Variants in CCDC3 observed in about 807,000 individuals in gnomAD.
The protein encoded by CCDC3 is coiled-coil domain-containing protein 3.
In CCDC3, 24 loss-of-function variants were observed where a neutral mutation model predicts 21.4. That is an observed-to-expected ratio of 1.12 (90% CI 0.81 to 1.58). CCDC3 has a LOEUF of 1.58. Ranked by LOEUF, CCDC3 falls within the 40% of genes most tolerant of loss-of-function variation. CCDC3 has a pLI of 0.00. For missense variants in CCDC3, 425 were observed against 360.9 expected (o/e 1.18, Z -1.44); for synonymous variants, 186 against 166.0 (o/e 1.12, Z -0.93).
At chr10:12,923,556 T>C (rs993169118) in intron 2 of CCDC3, among the ~76,000 whole-genome samples, 1 of 152,134 alleles carries the variant, frequency 6.6e-6, no homozygotes, top group African/African-American at 2.4e-5. Flanking sequence ...TCTTGGAACC[T>C]CCCTTTTTGC....
At chr10:12,926,206 C>A (rs2131221955) in intron 2 of CCDC3, among the ~76,000 whole-genome samples, 1 of 152,294 alleles carries the variant, frequency 6.6e-6, no homozygotes, top group Non-Finnish European at 1.5e-5. Context: ...GTGAAGACAG[C>A]TGGGATTTAG....
intron 5 of CCDC3, among the ~76,000 whole-genome samples, chr10:13,033,907 G>C (rs949796951): frequency 5.3e-5 from 8 of 152,200 alleles, no homozygotes; most frequent in African/African-American, 1.9e-4. Context: ...CTGTAAACTA[G>C]TTCAACCACT....
At chr10:13,021,572 A>G (rs918929369) in intron 5 of CCDC3, among the ~76,000 whole-genome samples, 2 of 152,196 alleles carry the variant, frequency 1.3e-5, no homozygotes, top group African/African-American at 2.4e-5. Flanking sequence ...TCCTTTCCAC[A>G]GGACAAAACG....
intron 5 of CCDC3, among the ~76,000 whole-genome samples, chr10:13,039,268 C>CA (rs1262490582): frequency 6.6e-6 from 1 of 151,964 alleles, no homozygotes; most frequent in South Asian, 2.1e-4. Context: ...CCGCATATCT[C>CA]AAAAAATAGC....
At chr10:13,004,246 A>T (rs1428601174), upstream of CCDC3, among the ~76,000 whole-genome samples, 2 of 149,144 alleles carry the variant, frequency 1.3e-5, no homozygotes, top group Admixed American at 1.3e-4. Context: ...CAGTGTGGTG[A>T]CTCCCAACTG....
chr10:13,076,341 G>A lies in CCDC3; in HGVS notation c.-502-2241C>T, dbSNP rs183739878. 3.1e-3 allele frequency among the ~76,000 whole-genome samples: 467 copies of A among 152,328 alleles called. 1 individual carries two copies. The highest frequency in any genetic ancestry group is 9.3e-3 in the African/African-American group (388 of 41,566). Reference sequence around the variant, plus strand: ...CTTGGGTGAGGACTAGGAAAAATGAGGCTGGGACTTGCTGGGCTGCCCTCC... The same window carrying A: ...CTTGGGTGAGGACTAGGAAAAATGAAGCTGGGACTTGCTGGGCTGCCCTCC... On this transcript the variant is annotated intron_variant, in intron 3 of 6. Coordinates refer to the CCDC3 transcript ENST00000378839.
At chr10:12,950,949 T>C (rs1834998002) in intron 2 of CCDC3, among the ~76,000 whole-genome samples, 2 of 152,106 alleles carry the variant, frequency 1.3e-5, no homozygotes, top group Non-Finnish European at 2.9e-5. Flanking sequence ...GAGTCTGCAG[T>C]AGGGTGCGTC....
At chr10:12,904,012 G>A (rs1294731865) in intron 2 of CCDC3, among the ~76,000 whole-genome samples, 3 of 152,140 alleles carry the variant, frequency 2.0e-5, no homozygotes, top group Non-Finnish European at 4.4e-5. Context: ...CTGGAGTCCT[G>A]CTGTTACTCA....
At chr10:13,031,201 C>T (rs1210778170) in intron 5 of CCDC3, among the ~76,000 whole-genome samples, 2 of 152,192 alleles carry the variant, frequency 1.3e-5, no homozygotes, top group Non-Finnish European at 2.9e-5. Context: ...TCACTCAAAA[C>T]CACTCAACTA....
chr10:12,900,975 C>T (rs992855710), intron 2 of CCDC3, among the ~76,000 whole-genome samples: 9 of 152,156 alleles, frequency 5.9e-5, no homozygotes, highest in Non-Finnish European at 1.0e-4. Context: ...AGTCTCTCTC[C>T]GGAAACTGAC....
At chr10:12,994,966 A>G (rs1374154532) in intron 2 of CCDC3, among the ~76,000 whole-genome samples, 1 of 151,970 alleles carries the variant, frequency 6.6e-6, no homozygotes, top group Non-Finnish European at 1.5e-5. Context: ...CTGTAATCCC[A>G]ACTACTTGGG....
chr10:13,020,994 A>G (rs1589042379), intron 5 of CCDC3, among the ~76,000 whole-genome samples: 1 of 152,382 alleles, frequency 6.6e-6, no homozygotes, highest in South Asian at 2.1e-4. Flanking sequence ...GAATGAATCA[A>G]TATGTCCTGT....
intron 5 of CCDC3, among the ~76,000 whole-genome samples, chr10:13,039,268 CAA>C (rs1262490582): frequency 6.6e-6 from 1 of 151,964 alleles, no homozygotes; most frequent in Non-Finnish European, 1.5e-5. Context: ...CCGCATATCT[CAA>C]AAAATAGCTG....
At chr10:13,083,184 G>A (rs1837063428) in intron 3 of CCDC3, among the ~76,000 whole-genome samples, 1 of 152,196 alleles carries the variant, frequency 6.6e-6, no homozygotes, top group South Asian at 2.1e-4. Context: ...TGGTAGTATT[G>A]TAGAGGACCT....
At chr10:12,951,751 G>A (rs1052685501) in intron 2 of CCDC3, among the ~76,000 whole-genome samples, 9 of 124,032 alleles carry the variant, frequency 7.3e-5, no homozygotes, top group Non-Finnish European at 1.4e-4. Context: ...GTTGCAGTAA[G>A]CTGAGACTGA....
At chr10:12,998,827 T>TG (rs1248551050) in intron 1 of CCDC3, among the ~76,000 whole-genome samples, 2 of 152,186 alleles carry the variant, frequency 1.3e-5, no homozygotes, top group Non-Finnish European at 2.9e-5. Context: ...TATTTCCTGG[T>TG]GAAAAAAAGG....
At chr10:12,987,404 G>A (rs1007045577) in intron 2 of CCDC3, among the ~76,000 whole-genome samples, 13 of 152,242 alleles carry the variant, frequency 8.5e-5, no homozygotes, top group South Asian at 2.1e-4. Flanking sequence ...GTAACATAAC[G>A]CCTCACACAT....
intron 2 of CCDC3, among the ~76,000 whole-genome samples, chr10:12,986,528 A>G (rs763575376): frequency 2.2e-4 from 33 of 152,196 alleles, no homozygotes; most frequent in Non-Finnish European, 4.0e-4. Context: ...TAATCCCAGC[A>G]CTTTGGGAGG....
chr10:13,042,878 C>T (rs1836478499), intron 5 of CCDC3, among the ~76,000 whole-genome samples: 1 of 135,540 alleles, frequency 7.4e-6, no homozygotes, highest in South Asian at 2.3e-4. Context: ...CACTGCACTC[C>T]AGCCTGGGCG....
Sources: gnomAD v4.1 joint callset for allele counts (sites outside exome capture counted in the v4.1 genomes callset) on GRCh38, gnomAD v4.1.1 for gene constraint, MANE v1.5 for transcripts, NCBI Gene and HGNC (gene_info 2026-07-23, HGNC 2026-07-21) for gene names.